DIDO1: variants seen among roughly 807,000 people sequenced by gnomAD.
DIDO1 encodes death-inducer obliterator 1.
A neutral mutation model predicts 99.4 loss-of-function variants in DIDO1; 16 were observed. That is an observed-to-expected ratio of 0.16 (90% CI 0.11 to 0.24). The LOEUF (loss-of-function observed/expected upper bound fraction) is 0.24, where lower values mean the gene tolerates loss of function less well. Among genes scored for constraint, DIDO1 ranks in the 10% least tolerant of loss-of-function variants. The pLI is 1.00. For missense variants in DIDO1, 2,996 were observed against 3,014.0 expected, an observed-to-expected ratio of 0.99 and a Z score of 0.14; for synonymous variants, 1,366 against 1,239.1, an observed-to-expected ratio of 1.10 and a Z score of -2.15.
chr20:62,885,895 C>T (rs974153254), intron 15 of DIDO1, among the ~76,000 whole-genome samples: 3 of 152,238 alleles, frequency 2.0e-5, no homozygotes, highest in African/African-American at 7.2e-5. Flanking sequence ...CCTGGCATGT[C>T]CAGCAGACCA....
rs1220214562 is a variant in DIDO1 at position 62,880,265 on chromosome 20, C to G, written c.5691G>C (p.Leu1897=). The change falls in exon 16 of 16, where the codon CTG becomes CTC. Residue 1897 remains leucine, a synonymous_variant. Transcript: ENST00000395343. The stretch of plus-strand genomic sequence containing the variant: ...CGCCTCGGGGGCCTTTCAGCTGAGA[C>G]AGCAGTGGCCTTCTCTGGCCTCCGA... ...FQFGGQRRPL[L]SQLKGPRGGP... 4 of 1,612,718 alleles carry G rather than the reference C, an allele frequency of 2.5e-6. No individual in the cohort carries two copies. The highest frequency in any genetic ancestry group is 3.4e-6 in the Non-Finnish European group (4 of 1,179,946).
chr20:62,899,790 A>G (rs1426653994), intron 6 of DIDO1, among the ~76,000 whole-genome samples: 2 of 152,134 alleles, frequency 1.3e-5, no homozygotes, highest in Admixed American at 1.3e-4. Flanking sequence ...AGTGTCCTAC[A>G]ACACGCAGAA....
At position 62,907,354 on chromosome 20, in the gene DIDO1, T is replaced by C. The variant is rs748957692; in HGVS notation, c.1167A>G (p.Ile389Met). ...TACATTTTGAGGCACCAGGCGCCTC[T>C]ATCACCTGCAGAACAAAACAGATGA... ...KKKLKIFQPV[I>M]EAPGASKCIG... Residue 389 changes from isoleucine (I) to methionine (M), a missense_variant, in exon 5 of 16, where the codon ATA becomes ATG. By Grantham distance (10) the Ile-to-Met change is conservative. Transcript: ENST00000395343. The C allele has an allele frequency of 6.2e-7, 1 of 1,613,786 alleles. No homozygotes were observed. Among genetic ancestry groups the C allele is most frequent in the South Asian group, 1.1e-5 (1 of 91,052 alleles).
chr20:62,896,066 G>A lies in DIDO1; in HGVS notation c.2214+167C>T, dbSNP rs1168990339. 2.0e-5 allele frequency among the ~76,000 whole-genome samples: 3 copies of A among 152,138 alleles called. No individual in the cohort carries two copies. Among genetic ancestry groups the A allele is most frequent in the East Asian group, 1.9e-4 (1 of 5,198 alleles). On this transcript the variant is annotated intron_variant, in intron 8 of 15. Coordinates refer to ENST00000395343, the MANE Select transcript of DIDO1 (RefSeq NM_001193369.2). The surrounding 1 kb of genome is among the most constrained non-coding windows in gnomAD (Gnocchi z 4.4). ...AGGGAAGGGAAGGGGTTTCCAGGACGCTCAACGCCAGTGCAACAATACGTG... is the reference window on the plus strand; with the variant it reads ...AGGGAAGGGAAGGGGTTTCCAGGACACTCAACGCCAGTGCAACAATACGTG...
intron 15 of DIDO1, among the ~76,000 whole-genome samples, chr20:62,886,285 TCCC>T (rs2064296676): frequency 6.6e-6 from 1 of 152,178 alleles, no homozygotes; most frequent in Non-Finnish European, 1.5e-5. Context: ...GTGTGGATGT[TCCC>T]CCAACGCCCT....
rs1482133508 is a variant in DIDO1 at position 62,879,522 on chromosome 20, C to T, written c.6434G>A (p.Arg2145Gln). Residue 2145 changes from arginine to glutamine, a missense_variant, in exon 16 of 16, where the codon CGG (arginine) becomes CAG (glutamine). By Grantham distance (43) the Arg-to-Gln change is conservative. This residue lies in a region of DIDO1 where 1,562 missense variants were observed against 1,412.6 expected (regional missense o/e 1.11). Transcript: ENST00000395343. This position sits in a 1 kb window ranked among gnomAD's most constrained non-coding sequence, Gnocchi z 6.3. ...CCTCTCCCGGTTTCTGTCCCAGTCC[C>T]GGCTGGAGTCCTTGTCCCGGTGTCG... is the stretch of plus-strand genomic sequence containing the variant. ...WDRHRDKDSS[R>Q]DWDRNRERSA... 6 of 1,599,466 alleles carry T rather than the reference C, an allele frequency of 3.8e-6. No individual in the cohort carries two copies. Among genetic ancestry groups the T allele is most frequent in the Middle Eastern group, 1.7e-4 (1 of 6,056 alleles).
At chr20:62,893,088 G>A in intron 12 of DIDO1, 126 bp from the exon 13 acceptor site, 1 of 1,029,800 alleles carries the variant, frequency 9.7e-7, no homozygotes, top group Non-Finnish European at 1.4e-6. Context: ...GTGCGGTGGT[G>A]CAACACAGCT....
rs1046499154 is a variant in DIDO1, at chr20:62,889,577, C to A, written c.3541+1383G>T. ...CTGAGTGCACACACTGTCGCACTTGCAACTGACCAGTGGGTCTTCACAGGT... is the reference window on the plus strand; with the variant it reads ...CTGAGTGCACACACTGTCGCACTTGAAACTGACCAGTGGGTCTTCACAGGT... On this transcript the variant is annotated intron_variant, in intron 15 of 15. Coordinates refer to ENST00000395343, the MANE Select transcript of DIDO1 (RefSeq NM_001193369.2). 35 of 985,322 alleles carry A rather than the reference C, an allele frequency of 3.6e-5. No homozygotes were observed. The African/African-American group carries it at 5.6e-4, about 16-fold the overall frequency. The allele number at this position is 985,322 out of a possible 1,614,324, so 61.0% of individuals were successfully genotyped here.
chr20:62,888,360 C>G (rs2064331110), intron 15 of DIDO1: 2 of 985,392 alleles, frequency 2.0e-6, no homozygotes, highest in Non-Finnish European at 2.4e-6. Flanking sequence ...ACATCAGTGC[C>G]CTGATGCAGA....
At chr20:62,903,399 T>C (rs2064727766) in intron 6 of DIDO1, among the ~76,000 whole-genome samples, 1 of 152,154 alleles carries the variant, frequency 6.6e-6, no homozygotes, top group Non-Finnish European at 1.5e-5. Context: ...ATGGTATGTG[T>C]GGTGAGGCAA....
chr20:62,910,517 G>A (rs536102884), intron 3 of DIDO1, among the ~76,000 whole-genome samples: 1 of 152,342 alleles, frequency 6.6e-6, no homozygotes, highest in African/African-American at 2.4e-5. Context: ...GCTGCACGTG[G>A]CTCACGTGAC....
At chr20:62,926,268 C>T (rs1324791869) in intron 1 of DIDO1, among the ~76,000 whole-genome samples, 171 bp downstream of exon 1, 9 of 150,746 alleles carry the variant, frequency 6.0e-5, no homozygotes, top group South Asian at 2.1e-4. Flanking sequence ...GCCCGCCCGC[C>T]CGCCCGCTCC....
At chr20:62,908,577 T>C (rs1218381217) in intron 4 of DIDO1, among the ~76,000 whole-genome samples, 2 of 152,210 alleles carry the variant, frequency 1.3e-5, no homozygotes, top group Non-Finnish European at 2.9e-5. Flanking sequence ...CCCTCACACA[T>C]ACTTAAGCGA....
In DIDO1 at chr20:62,896,820, C is replaced by A. The variant is rs201277498; in HGVS notation, c.1765G>T (p.Gly589Cys). 1.2e-6 allele frequency: 2 copies of A among 1,614,188 alleles called. No homozygotes were observed. The highest frequency in any genetic ancestry group is 1.1e-5 in the South Asian group (1 of 91,086). ...CTCTTGGGGATGGTGCCCTTGAAAC[C>A]TGAGGGTGGCTTTTTAATGGCTGGT... ...ATPAIKKPPSGFKGTIPKRPW... is the reference protein window; with the variant it reads ...ATPAIKKPPSCFKGTIPKRPW... Residue 589 changes from glycine to cysteine, a missense_variant, in exon 7 of 16, where the codon GGT (glycine) becomes TGT (cysteine). Transcript: ENST00000395343. The surrounding 1 kb of genome is among the most constrained non-coding windows in gnomAD (Gnocchi z 4.4).
chr20:62,889,443 T>A, intron 15 of DIDO1: 1 of 985,404 alleles, frequency 1.0e-6, no homozygotes, highest in Non-Finnish European at 1.2e-6. Context: ...AAATATCGCC[T>A]CAATTGTTTT....
chr20:62,895,276 C>G (rs759083641), intron 8 of DIDO1, 111 bp from the exon 9 acceptor site: 92 of 951,518 alleles, frequency 9.7e-5, no homozygotes, highest in Non-Finnish European at 1.3e-4. Flanking sequence ...GGACAAAGGC[C>G]CTCAGGGCCC....
At position 62,890,512 on chromosome 20, in the gene DIDO1, T is replaced by C; in HGVS notation, c.3541+448A>G. 5.0e-6 allele frequency: 5 copies of C among 994,748 alleles called. No homozygotes were observed. The South Asian group carries it at 1.8e-4, about 36-fold the overall frequency. The allele number at this position is 994,748 out of a possible 1,614,324, so 61.6% of individuals were successfully genotyped here. ...AATTATTTCTAGAAATAGTTTTCTA[T>C]GTCATTATTGTTAAGTCTCCTGGAA... On this transcript the variant is annotated intron_variant, in intron 15 of 15. Coordinates refer to ENST00000395343, the MANE Select transcript of DIDO1 (RefSeq NM_001193369.2).
chr20:62,923,558 C>T (rs1013025403), intron 1 of DIDO1, among the ~76,000 whole-genome samples: 1 of 152,160 alleles, frequency 6.6e-6, no homozygotes. Context: ...GCAGACAAGC[C>T]GGCCAGGGCA....
chr20:62,926,085 G>A (rs973368912), intron 1 of DIDO1, among the ~76,000 whole-genome samples: 4 of 152,100 alleles, frequency 2.6e-5, no homozygotes, highest in East Asian at 2.0e-4. Context: ...CACTCGCCCA[G>A]GCCAGCCCTG....
Sources: gnomAD v4.1 joint callset for allele counts (sites outside exome capture counted in the v4.1 genomes callset) on GRCh38, gnomAD v4.1.1 for gene constraint, gnomAD v4.1.1 regional missense constraint, Gnocchi (gnomAD v3.1) non-coding constraint, MANE v1.5 for transcripts, NCBI Gene and HGNC (gene_info 2026-07-23, HGNC 2026-07-21) for gene names.